FGF12: variants seen among roughly 807,000 people sequenced by gnomAD.
FGF12 encodes the protein fibroblast growth factor 12.
In FGF12, 14 loss-of-function variants were observed where a neutral mutation model predicts 23.6. The ratio of observed to expected loss-of-function variants is 0.59; its 90% CI spans 0.39 to 0.93. The LOEUF (loss-of-function observed/expected upper bound fraction) is 0.93, where lower values mean the gene tolerates loss of function less well. FGF12 is among the 40% of genes least tolerant of loss of function. FGF12 has a pLI of 0.00. For missense variants in FGF12, 175 were observed against 217.8 expected (o/e 0.80, Z 1.24); for synonymous variants, 62 against 77.3 (o/e 0.80, Z 1.04).
intron 2 of FGF12, among the ~76,000 whole-genome samples, chr3:192,445,747 A>C (rs1722335262): frequency 6.6e-6 from 1 of 152,162 alleles, no homozygotes; most frequent in African/African-American, 2.4e-5. Flanking sequence ...TTGCTCTTGG[A>C]ATCCTATGGA....
intron 2 of FGF12, among the ~76,000 whole-genome samples, chr3:192,698,969 T>C (rs768543472): frequency 6.6e-6 from 1 of 152,176 alleles, no homozygotes; most frequent in Non-Finnish European, 1.5e-5. Flanking sequence ...AAAAGTTCCG[T>C]ATGTTAATGC....
chr3:192,257,871 T>C (rs748390508), intron 4 of FGF12, among the ~76,000 whole-genome samples: 2 of 152,062 alleles, frequency 1.3e-5, no homozygotes, highest in Non-Finnish European at 2.9e-5. Context: ...TTTTTGAACT[T>C]CGGCTTGACT....
Position 192,477,466 on chromosome 3 carries a change from C to T in FGF12, c.14-116928G>A, listed in dbSNP as rs75270389. On this transcript the variant is annotated intron_variant, in intron 2 of 5. Transcript: ENST00000445105. ...ATAGTTTATAGACAATTTTTAGTTA[C>T]CTGTATTAAGATAAATGAAGAATAA... Among the ~76,000 whole-genome samples, 1,443 of 152,130 alleles carry T rather than the reference C, an allele frequency of 9.5e-3. 27 individuals are homozygous for T. The highest frequency in any genetic ancestry group is 0.034 in the African/African-American group (1,395 of 41,514).
intron 4 of FGF12, among the ~76,000 whole-genome samples, chr3:192,321,468 CT>C (rs1290437658): frequency 4.0e-5 from 6 of 148,708 alleles, no homozygotes; most frequent in East Asian, 4.0e-4. Context: ...AGTACTACCC[CT>C]GATACCAAAA....
At chr3:192,512,835 A>ATATATATATATATATAT (rs1724521996) in intron 2 of FGF12, among the ~76,000 whole-genome samples, 2 of 76,778 alleles carry the variant, frequency 2.6e-5, no homozygotes, top group African/African-American at 1.3e-4. Context: ...TACTCAAATA[A>ATATATATATATATATAT]ATATATATAT....
chr3:192,704,665 G>A (rs1718410473), intron 2 of FGF12, among the ~76,000 whole-genome samples: 1 of 152,166 alleles, frequency 6.6e-6, no homozygotes, highest in African/African-American at 2.4e-5. Flanking sequence ...AAGTGAGCCT[G>A]TCCTTTGAAG....
intron 2 of FGF12, among the ~76,000 whole-genome samples, chr3:192,577,056 C>G (rs539213981): frequency 1.3e-5 from 2 of 151,902 alleles, no homozygotes; most frequent in East Asian, 1.9e-4. Flanking sequence ...GGCCTGTCGG[C>G]GGGTGGGGGA....
intron 2 of FGF12, among the ~76,000 whole-genome samples, chr3:192,547,448 A>G (rs1725522904): frequency 6.6e-6 from 1 of 152,104 alleles, no homozygotes; most frequent in African/African-American, 2.4e-5. Flanking sequence ...AACTCCCCCA[A>G]TGTCTCTCTT....
At chr3:192,560,797 G>A (rs1488292968) in intron 2 of FGF12, among the ~76,000 whole-genome samples, 1 of 151,836 alleles carries the variant, frequency 6.6e-6, no homozygotes, top group South Asian at 2.1e-4. Flanking sequence ...ATTAGAGGAA[G>A]AAATAAAACC....
At chr3:192,636,890 G>C (rs1344044703) in intron 2 of FGF12, among the ~76,000 whole-genome samples, 1 of 152,200 alleles carries the variant, frequency 6.6e-6, no homozygotes, top group Non-Finnish European at 1.5e-5. Flanking sequence ...AAGGCCATGA[G>C]AGGAGAAGGG....
At chr3:192,516,280 T>A (rs1050137077) in intron 2 of FGF12, among the ~76,000 whole-genome samples, 7 of 152,202 alleles carry the variant, frequency 4.6e-5, no homozygotes, top group Non-Finnish European at 1.0e-4. Flanking sequence ...GCTTGAATAA[T>A]CCAGGTGACA....
chr3:192,554,785 G>T (rs1186375257), intron 2 of FGF12, among the ~76,000 whole-genome samples: 1 of 85,826 alleles, frequency 1.2e-5, no homozygotes, highest in African/African-American at 4.3e-5. Flanking sequence ...TGCTCAATGA[G>T]CTAAGGAAAA....
chr3:192,183,666 A>C (rs1716301995), intron 4 of FGF12, among the ~76,000 whole-genome samples: 1 of 152,230 alleles, frequency 6.6e-6, no homozygotes, highest in South Asian at 2.1e-4. Flanking sequence ...GGTACTAAAA[A>C]GAAAGTTCAT....
At chr3:192,450,974 G>A (rs1287586041) in intron 2 of FGF12, among the ~76,000 whole-genome samples, 1 of 152,104 alleles carries the variant, frequency 6.6e-6, no homozygotes, top group Non-Finnish European at 1.5e-5. Context: ...GCTTTGGCTA[G>A]TCTCCACTAA....
At chr3:192,241,887 A>G (rs891556945) in intron 4 of FGF12, among the ~76,000 whole-genome samples, 2 of 152,176 alleles carry the variant, frequency 1.3e-5, no homozygotes, top group Non-Finnish European at 2.9e-5. Context: ...AGTTACTTCA[A>G]ATAACAAAAC....
chr3:192,606,789 T>C (rs1017702085), intron 2 of FGF12, among the ~76,000 whole-genome samples: 2 of 152,168 alleles, frequency 1.3e-5, no homozygotes, highest in African/African-American at 4.8e-5. Context: ...TTCTCAAGTC[T>C]GGGCTATCAA....
chr3:192,320,831 T>G (rs751821417), intron 4 of FGF12, among the ~76,000 whole-genome samples: 3 of 152,044 alleles, frequency 2.0e-5, no homozygotes, highest in African/African-American at 4.8e-5. Flanking sequence ...AGAGGAAAGC[T>G]GATAGGTATA....
At chr3:192,175,338 T>G (rs1715800086) in intron 4 of FGF12, among the ~76,000 whole-genome samples, 1 of 152,170 alleles carries the variant, frequency 6.6e-6, no homozygotes, top group South Asian at 2.1e-4. Context: ...CATGAGTGTT[T>G]CTTTTTCCTA....
intron 2 of FGF12, among the ~76,000 whole-genome samples, chr3:192,645,124 G>T (rs1715954399): frequency 6.6e-6 from 1 of 152,102 alleles, no homozygotes; most frequent in Non-Finnish European, 1.5e-5. Context: ...CTTGGGGCTT[G>T]CAGGCCAAGT....
Sources: allele counts gnomAD v4.1 joint callset (sites outside exome capture counted in the v4.1 genomes callset), GRCh38; gene constraint gnomAD v4.1.1; transcripts MANE v1.5; gene names NCBI Gene and HGNC (gene_info 2026-07-23, HGNC 2026-07-21).